KIRREL3: variants seen among roughly 807,000 people sequenced by gnomAD.
The protein encoded by KIRREL3 is kirre like nephrin family adhesion molecule 3.
In KIRREL3, 36 loss-of-function variants were observed where a neutral mutation model predicts 89.7. The observed-to-expected ratio is 0.40, with a 90% CI of 0.31 to 0.53. The LOEUF (loss-of-function observed/expected upper bound fraction) is 0.53, where lower values mean the gene tolerates loss of function less well. Among genes scored for constraint, KIRREL3 ranks in the 20% least tolerant of loss-of-function variants. The pLI, the probability that KIRREL3 is intolerant of heterozygous loss-of-function variation, is 0.49. For missense variants in KIRREL3, 864 were observed against 1,056.6 expected (o/e 0.82, Z 2.53); for synonymous variants, 445 against 441.4 (o/e 1.01, Z -0.10).
rs1056810966 is a variant in KIRREL3 at position 126,759,021 on chromosome 11, T to C, written c.56-196109A>G. ...GTTGCTGTCTTGTGTAAGCCAACGG[T>C]CTCCAGAGTGGGTCATGTACACCCC... On this transcript the variant is annotated intron_variant, in intron 1 of 16. Transcript: ENST00000525144. Among the ~76,000 whole-genome samples, 11 of 152,178 alleles carry C rather than the reference T, an allele frequency of 7.2e-5. 1 individual carries two copies. The highest frequency in any genetic ancestry group is 2.7e-4 in the African/African-American group (11 of 41,454).
At chr11:126,433,755 G>A (rs1955219234) in intron 13 of KIRREL3, among the ~76,000 whole-genome samples, 1 of 152,232 alleles carries the variant, frequency 6.6e-6, no homozygotes, top group South Asian at 2.1e-4. Flanking sequence ...CTTTTGAATT[G>A]GATTGATTTG....
rs142617154 is a variant in KIRREL3 at position 126,747,656 on chromosome 11, C to T, written c.56-184744G>A. ...ACTGAGAGCGCATCTCCCTTGAGTTCCTTGAGACTAGAAACGGTTTTATTT... is the reference window on the plus strand; with the variant it reads ...ACTGAGAGCGCATCTCCCTTGAGTTTCTTGAGACTAGAAACGGTTTTATTT... On this transcript the variant is annotated intron_variant, in intron 1 of 16. Transcript: ENST00000525144. The surrounding 1 kb of genome is among the most constrained non-coding windows in gnomAD (Gnocchi z 4.7). Among the ~76,000 whole-genome samples, 572 of 152,164 alleles carry T rather than the reference C, an allele frequency of 3.8e-3. 1 individual carries two copies. The highest frequency in any genetic ancestry group is 5.5e-3 in the Non-Finnish European group (374 of 67,994).
chr11:126,556,822 A>T (rs67508732), intron 2 of KIRREL3, among the ~76,000 whole-genome samples: 26,892 of 152,142 alleles, frequency 0.18, 2,560 homozygotes, highest in Non-Finnish European at 0.2. Flanking sequence ...ACTGAGCGAA[A>T]TAAATAACAA....
At chr11:126,436,768 G>T (rs1362775609) in intron 12 of KIRREL3, 43 bp downstream of exon 12, 9 of 1,608,324 alleles carry the variant, frequency 5.6e-6, no homozygotes, top group Admixed American at 3.3e-5. Context: ...GGGCCCTCTG[G>T]TTCCATCGTT....
intron 1 of KIRREL3, among the ~76,000 whole-genome samples, chr11:126,588,377 T>C (rs1258513661): frequency 2.0e-5 from 3 of 146,496 alleles, no homozygotes; most frequent in African/African-American, 7.7e-5. Context: ...TTTTTTTGCA[T>C]GTTAATAGTG....
intron 1 of KIRREL3, among the ~76,000 whole-genome samples, chr11:126,929,285 C>G (rs1289610258): frequency 6.6e-6 from 1 of 151,962 alleles, no homozygotes; most frequent in Non-Finnish European, 1.5e-5. Context: ...AGAGCCTCCT[C>G]CCAGGTCCAA....
chr11:126,536,321 T>C (rs952583068), intron 2 of KIRREL3, among the ~76,000 whole-genome samples: 4 of 151,988 alleles, frequency 2.6e-5, no homozygotes, highest in African/African-American at 9.7e-5. Context: ...CTGGTGCCCA[T>C]AGAGGCTGGG....
At position 126,438,491 on chromosome 11, in the gene KIRREL3, C is replaced by G. The variant is rs985316875; in HGVS notation, c.1354-1482G>C. On this transcript the variant is annotated intron_variant, in intron 11 of 16. Coordinates refer to ENST00000525144, the MANE Select transcript of KIRREL3 (RefSeq NM_032531.4). ...CAGCAGCACCCTGGCCTCTACACACCCGGTGCCAGGAGTATCCTCCAAGTG... is the reference window on the plus strand; with the variant it reads ...CAGCAGCACCCTGGCCTCTACACACGCGGTGCCAGGAGTATCCTCCAAGTG... Among the ~76,000 whole-genome samples the G allele has an allele frequency of 4.6e-5, 7 of 152,316 alleles. No homozygotes were observed. The East Asian group carries it at 1.2e-3, about 25-fold the overall frequency.
chr11:126,738,593 A>G lies in KIRREL3; in HGVS notation c.56-175681T>C, dbSNP rs148339165. On this transcript the variant is annotated intron_variant, in intron 1 of 16. Coordinates refer to ENST00000525144, the MANE Select transcript of KIRREL3 (RefSeq NM_032531.4). ...TTCAATATTTGCTGGGTGGTAATTA[A>G]TAGCACTTAATCTGTAAATCTGGAG... Among the ~76,000 whole-genome samples, 364 of 152,296 alleles carry G rather than the reference A, an allele frequency of 2.4e-3. 3 individuals are homozygous for G. The highest frequency in any genetic ancestry group is 8.2e-3 in the African/African-American group (339 of 41,570).
intron 1 of KIRREL3, among the ~76,000 whole-genome samples, chr11:126,998,886 G>A (rs1950243040): frequency 2.0e-5 from 3 of 151,984 alleles, no homozygotes; most frequent in Non-Finnish European, 4.4e-5. Flanking sequence ...AACTTCCTGA[G>A]TGAACTGGTA....
At chr11:126,882,512 C>G (rs144717964) in intron 1 of KIRREL3, among the ~76,000 whole-genome samples, 1 of 134,460 alleles carries the variant, frequency 7.4e-6, no homozygotes, top group South Asian at 2.5e-4. Flanking sequence ...CCAGGAGAAA[C>G]GCTCTGGCTC....
chr11:126,744,711 G>A lies in KIRREL3; in HGVS notation c.56-181799C>T, dbSNP rs139636906. Among the ~76,000 whole-genome samples the A allele has an allele frequency of 2.0e-5, 3 of 152,278 alleles. No individual in the cohort carries two copies. Among genetic ancestry groups the A allele is most frequent in the African/African-American group, 7.2e-5 (3 of 41,552 alleles). On this transcript the variant is annotated intron_variant, in intron 1 of 16. Coordinates refer to ENST00000525144, the MANE Select transcript of KIRREL3 (RefSeq NM_032531.4). This position sits in a 1 kb window ranked among gnomAD's most constrained non-coding sequence, Gnocchi z 4.7. ...GTCTCGTGGAAACTAAGGACCCGAT[G>A]AACAGTACTCGTATTACTATTCTTT...
At chr11:126,972,056 C>T (rs781261299) in intron 1 of KIRREL3, among the ~76,000 whole-genome samples, 2 of 152,058 alleles carry the variant, frequency 1.3e-5, no homozygotes, top group East Asian at 1.9e-4. Flanking sequence ...TTGAAATCTC[C>T]GGATGAGTTA....
chr11:126,777,091 G>T (rs1284258396), intron 1 of KIRREL3, among the ~76,000 whole-genome samples: 1 of 152,152 alleles, frequency 6.6e-6, no homozygotes, highest in African/African-American at 2.4e-5. Context: ...GAACGTCCAG[G>T]GCCACCAAAC....
At chr11:126,507,290 A>C (rs189006867) in intron 4 of KIRREL3, among the ~76,000 whole-genome samples, 283 of 152,286 alleles carry the variant, frequency 1.9e-3, no homozygotes, top group African/African-American at 5.9e-3. Context: ...CAACTCTATA[A>C]ATTTATTAAA....
chr11:126,506,786 T>G (rs527616524), intron 4 of KIRREL3, among the ~76,000 whole-genome samples: 4 of 152,050 alleles, frequency 2.6e-5, no homozygotes, highest in East Asian at 3.9e-4. Context: ...AATTTTTTTT[T>G]TTTGTTTTTG....
rs1260994339 is a variant in KIRREL3 at position 126,943,904 on chromosome 11, T to C, written c.55+56551A>G. Among the ~76,000 whole-genome samples the C allele has an allele frequency of 6.6e-6, 1 of 152,172 alleles. No individual in the cohort carries two copies. The highest frequency in any genetic ancestry group is 6.5e-5 in the Admixed American group (1 of 15,280). On this transcript the variant is annotated intron_variant, in intron 1 of 16. Transcript: ENST00000525144. The surrounding 1 kb of genome is among the most constrained non-coding windows in gnomAD (Gnocchi z 4.2). ...CTAGGTGGAGACTTCTTAATTTAGATATTGATGCAGTTCGGGACATACCAA... is the reference window on the plus strand; with the variant it reads ...CTAGGTGGAGACTTCTTAATTTAGACATTGATGCAGTTCGGGACATACCAA...
chr11:126,884,783 G>A (rs750654874), intron 1 of KIRREL3, among the ~76,000 whole-genome samples: 1 of 152,110 alleles, frequency 6.6e-6, no homozygotes, highest in Admixed American at 6.5e-5. Context: ...GTCATCTCTC[G>A]GTGGAGGCTA....
Position 126,647,075 on chromosome 11 carries a change from C to T in KIRREL3, c.56-84163G>A, listed in dbSNP as rs1443128639. 6.6e-6 allele frequency among the ~76,000 whole-genome samples: 1 copy of T among 152,194 alleles called. No homozygotes were observed. The highest frequency in any genetic ancestry group is 1.5e-5 in the Non-Finnish European group (1 of 68,038). Reference sequence around the variant, plus strand: ...ACTTAAGCATTTAGAAAGTATTACTCATCTTCCAACCACTGACAAACAGGA... The same window carrying T: ...ACTTAAGCATTTAGAAAGTATTACTTATCTTCCAACCACTGACAAACAGGA... On this transcript the variant is annotated intron_variant, in intron 1 of 16. Transcript: ENST00000525144. The surrounding 1 kb of genome is among the most constrained non-coding windows in gnomAD (Gnocchi z 4.9).
Sources: allele counts gnomAD v4.1 joint callset (sites outside exome capture counted in the v4.1 genomes callset), GRCh38; gene constraint gnomAD v4.1.1; non-coding constraint Gnocchi (gnomAD v3.1); transcripts MANE v1.5; gene names NCBI Gene and HGNC (gene_info 2026-07-23, HGNC 2026-07-21).